ANKS1B: variants seen among roughly 807,000 people sequenced by gnomAD.
ANKS1B encodes ankyrin repeat and sterile alpha motif domain containing 1B, also known as ankyrin repeat and sterile alpha motif domain-containing protein 1B.
Under a neutral mutation model 148.3 loss-of-function variants are expected in ANKS1B, and 36 were observed. The ratio of observed to expected loss-of-function variants is 0.24; its 90% CI spans 0.19 to 0.32. The LOEUF is 0.32. Ranked by LOEUF, ANKS1B falls within the 10% of genes least tolerant of loss-of-function variation. ANKS1B has a pLI of 1.00. For missense variants in ANKS1B, 1,157 were observed against 1,542.6 expected (o/e 0.75, Z 4.19); for synonymous variants, 542 against 560.8 (o/e 0.97, Z 0.47).
At chr12:99,736,236 G>A (rs1315372016) in intron 8 of ANKS1B, among the ~76,000 whole-genome samples, 3 of 152,028 alleles carry the variant, frequency 2.0e-5, no homozygotes, top group African/African-American at 7.2e-5. Context: ...ACATAGTACT[G>A]GAAGTCCTAG....
At chr12:98,942,452 G>A (rs2153025080) in intron 17 of ANKS1B, among the ~76,000 whole-genome samples, 1 of 152,208 alleles carries the variant, frequency 6.6e-6, no homozygotes, top group East Asian at 1.9e-4. Context: ...CTTGACAAAG[G>A]CAGTGCAAAG....
chr12:99,869,254 T>C (rs1458345360), intron 1 of ANKS1B, among the ~76,000 whole-genome samples: 1 of 152,028 alleles, frequency 6.6e-6, no homozygotes, highest in Non-Finnish European at 1.5e-5. Context: ...CAAGAGAATT[T>C]TGAAGAAGTG....
chr12:99,517,939 A>G (rs2096838469), intron 9 of ANKS1B, among the ~76,000 whole-genome samples: 1 of 152,070 alleles, frequency 6.6e-6, no homozygotes, highest in Non-Finnish European at 1.5e-5. Flanking sequence ...AGGATGTTGA[A>G]TTTCATCAAA....
At chr12:99,800,062 C>A (rs2066749678) in intron 4 of ANKS1B, among the ~76,000 whole-genome samples, 1 of 152,000 alleles carries the variant, frequency 6.6e-6, no homozygotes, top group South Asian at 2.1e-4. Context: ...TATCTGTGTG[C>A]CCCAAAACTC....
chr12:98,912,016 C>T (rs887944391), intron 17 of ANKS1B, among the ~76,000 whole-genome samples: 5 of 152,138 alleles, frequency 3.3e-5, no homozygotes, highest in African/African-American at 9.7e-5. Flanking sequence ...CATGTGTTAC[C>T]TCCTCCTGAA....
At chr12:99,039,286 G>A (rs2099957448) in intron 17 of ANKS1B, among the ~76,000 whole-genome samples, 1 of 152,326 alleles carries the variant, frequency 6.6e-6, no homozygotes. Context: ...TCACCCAAGT[G>A]GCCCTCCACA....
chr12:99,422,767 C>T (rs1045188519), intron 11 of ANKS1B, among the ~76,000 whole-genome samples: 3 of 152,050 alleles, frequency 2.0e-5, no homozygotes, highest in African/African-American at 7.2e-5. Context: ...TCTATGATGG[C>T]ATTGACTTGA....
chr12:99,220,556 C>T (rs1053918366), intron 14 of ANKS1B, among the ~76,000 whole-genome samples: 8 of 149,114 alleles, frequency 5.4e-5, no homozygotes, highest in Admixed American at 1.4e-4. Context: ...ACACCATTCT[C>T]CTGCCTCAGC....
chr12:99,035,232 A>G (rs186398480), intron 17 of ANKS1B, among the ~76,000 whole-genome samples: 1 of 152,146 alleles, frequency 6.6e-6, no homozygotes, highest in Non-Finnish European at 1.5e-5. Context: ...AAATCTAAAA[A>G]TATTACTCTA....
At chr12:98,750,281 G>A (rs573016566) in intron 26 of ANKS1B, among the ~76,000 whole-genome samples, 1 of 152,244 alleles carries the variant, frequency 6.6e-6, no homozygotes, top group African/African-American at 2.4e-5. Flanking sequence ...GGCTGGTAAT[G>A]AGTGATGGAC....
intron 16 of ANKS1B, among the ~76,000 whole-genome samples, chr12:99,075,476 T>G (rs898253534): frequency 1.9e-4 from 29 of 152,188 alleles, no homozygotes; most frequent in Admixed American, 3.3e-4. Context: ...TTTGTTACAG[T>G]GGCTAGGTTC....
chr12:98,850,822 T>C (rs2099520670), intron 17 of ANKS1B, among the ~76,000 whole-genome samples: 1 of 151,990 alleles, frequency 6.6e-6, no homozygotes, highest in Non-Finnish European at 1.5e-5. Flanking sequence ...CAACTCTCTT[T>C]GCCCAGCCTG....
chr12:98,985,730 T>C (rs79008362), intron 17 of ANKS1B, among the ~76,000 whole-genome samples: 2,047 of 152,272 alleles, frequency 0.013, 55 homozygotes, highest in African/African-American at 0.047. Flanking sequence ...ACAAATTGTT[T>C]ACATATTTTC....
intron 9 of ANKS1B, among the ~76,000 whole-genome samples, chr12:99,579,934 G>A (rs981415043): frequency 6.6e-6 from 1 of 152,034 alleles, no homozygotes; most frequent in Admixed American, 6.6e-5. Context: ...CAACAGCAAA[G>A]ACATGAAATC....
chr12:99,330,186 G>T (rs965599972), intron 12 of ANKS1B, among the ~76,000 whole-genome samples: 1 of 151,908 alleles, frequency 6.6e-6, no homozygotes, highest in Non-Finnish European at 1.5e-5. Context: ...AAAGCCTGTG[G>T]TACAACTTAA....
chr12:99,295,405 T>C (rs1464454021), intron 12 of ANKS1B, among the ~76,000 whole-genome samples: 1 of 152,238 alleles, frequency 6.6e-6, no homozygotes, highest in Non-Finnish European at 1.5e-5. Context: ...TTGTCATTTG[T>C]TTCCTTATTA....
chr12:99,151,484 C>T (rs969341043), intron 15 of ANKS1B, among the ~76,000 whole-genome samples: 1 of 149,098 alleles, frequency 6.7e-6, no homozygotes. Context: ...GCTGAGATCA[C>T]ACCACTGCAT....
intron 15 of ANKS1B, among the ~76,000 whole-genome samples, chr12:99,111,651 A>G (rs568489555): frequency 6.6e-6 from 1 of 152,278 alleles, no homozygotes; most frequent in African/African-American, 2.4e-5. Flanking sequence ...TTATAAGTAT[A>G]AAAAATAAAA....
At chr12:98,914,428 G>A (rs545832476) in intron 17 of ANKS1B, among the ~76,000 whole-genome samples, 1 of 152,222 alleles carries the variant, frequency 6.6e-6, no homozygotes, top group East Asian at 1.9e-4. Flanking sequence ...ACTTTCATAT[G>A]CCATATACAA....
Sources: allele counts gnomAD v4.1 joint callset (sites outside exome capture counted in the v4.1 genomes callset), GRCh38; gene constraint gnomAD v4.1.1; transcripts MANE v1.5; gene names NCBI Gene and HGNC (gene_info 2026-07-23, HGNC 2026-07-21).